Variants in ARHGEF18 observed in about 807,000 individuals in gnomAD.
The protein encoded by ARHGEF18 is rho guanine nucleotide exchange factor 18.
ARHGEF18 carries 93 observed loss-of-function variants against 155.7 expected under a neutral mutation model. That is an observed-to-expected ratio of 0.60 (90% CI 0.50 to 0.71). The LOEUF (loss-of-function observed/expected upper bound fraction) is 0.71, where lower values mean the gene tolerates loss of function less well. Among genes scored for constraint, ARHGEF18 ranks in the 30% least tolerant of loss-of-function variants. The pLI is 0.00. For missense variants in ARHGEF18, 1,593 were observed against 1,816.1 expected, an observed-to-expected ratio of 0.88 and a Z score of 2.23; for synonymous variants, 742 against 753.1, an observed-to-expected ratio of 0.99 and a Z score of 0.24.
intron 10 of ARHGEF18, among the ~76,000 whole-genome samples, chr19:7,408,174 G>C (rs372422623): frequency 9.9e-5 from 15 of 151,898 alleles, no homozygotes; most frequent in African/African-American, 3.1e-4. Flanking sequence ...AGCTACTTGG[G>C]GGGTGAGACA....
intron 10 of ARHGEF18, among the ~76,000 whole-genome samples, chr19:7,419,367 A>C: frequency 7.6e-6 from 1 of 131,358 alleles, no homozygotes; most frequent in South Asian, 2.7e-4. Flanking sequence ...ATGCGCCCAC[A>C]CTTGCCCCCT....
intron 7 of ARHGEF18, 85 bp downstream of exon 7, chr19:7,379,251 G>A (rs1489458253): frequency 1.7e-6 from 2 of 1,162,816 alleles, no homozygotes; most frequent in Non-Finnish European, 2.2e-6. Context: ...AGGTGTAGGA[G>A]ACAGGGGTAG....
rs904259829 is a variant in ARHGEF18, at chr19:7,388,097, C to CA, written c.967+4901dup. Among the ~76,000 whole-genome samples, 9 of 152,048 alleles carry CA rather than the reference C, an allele frequency of 5.9e-5. No individual in the cohort carries two copies. The South Asian group carries it at 1.0e-3, about 18-fold the overall frequency. On this transcript the variant is annotated intron_variant, in intron 10 of 28. Transcript: ENST00000668164. Reference sequence around the variant, plus strand: ...GTCCTGCAAATCAATAAACCCCTTACAAAAAAATGACCTTGAGCAATGAGA... The same window carrying CA: ...GTCCTGCAAATCAATAAACCCCTTACAAAAAAAATGACCTTGAGCAATGAGA...
intron 10 of ARHGEF18, among the ~76,000 whole-genome samples, chr19:7,408,975 G>T (rs112769926): frequency 6.6e-6 from 1 of 151,806 alleles, no homozygotes; most frequent in Non-Finnish European, 1.5e-5. Context: ...CAGGAAGATC[G>T]CTTGAGTCCA....
intron 10 of ARHGEF18, among the ~76,000 whole-genome samples, chr19:7,387,169 T>G (rs1289747390): frequency 6.6e-6 from 1 of 152,092 alleles, no homozygotes; most frequent in Non-Finnish European, 1.5e-5. Flanking sequence ...TTTGTTTGTT[T>G]TGAGATGGAG....
chr19:7,434,927 C>T (rs1223252041), intron 10 of ARHGEF18, among the ~76,000 whole-genome samples: 5 of 152,314 alleles, frequency 3.3e-5, no homozygotes, highest in South Asian at 2.1e-4. Context: ...ATAGGCCAGG[C>T]GCAGTGGCTC....
rs146065096 is a variant in ARHGEF18, at chr19:7,463,923, C to T, written c.2741C>T (p.Ala914Val). Residue 914 changes from alanine to valine, a missense_variant, in exon 22 of 29, where the codon GCG (alanine) becomes GTG (valine). Coordinates refer to ENST00000668164, the MANE Select transcript of ARHGEF18 (RefSeq NM_001367823.1). The surrounding 1 kb of genome is among the most constrained non-coding windows in gnomAD (Gnocchi z 5.2). ...TGPPRRAETFAGYDCTNSPTK... is the reference protein window; with the variant it reads ...TGPPRRAETFVGYDCTNSPTK... The stretch of plus-strand genomic sequence containing the variant: ...CCGCCCAGGAGGGCTGAGACCTTCG[C>T]GGGCTACGACTGCACAAACAGCCCC... 2.2e-5 allele frequency: 35 copies of T among 1,594,626 alleles called. No homozygotes were observed. Among genetic ancestry groups the T allele is most frequent in the Admixed American group, 1.4e-4 (8 of 57,418 alleles).
chr19:7,449,163 G>C (rs1285419501), intron 15 of ARHGEF18, among the ~76,000 whole-genome samples: 1 of 152,098 alleles, frequency 6.6e-6, no homozygotes, highest in Non-Finnish European at 1.5e-5. Flanking sequence ...CTCTGCAAGT[G>C]CTGGCATCCC....
rs921418933 is a variant in ARHGEF18 at position 7,395,492 on chromosome 19, G to A, written c.967+12289G>A. On this transcript the variant is annotated intron_variant, in intron 10 of 28. Transcript: ENST00000668164. This position sits in a 1 kb window ranked among gnomAD's most constrained non-coding sequence, Gnocchi z 5.0. The stretch of plus-strand genomic sequence containing the variant: ...GACGATGCCCGCCCGCTCCGTCCGA[G>A]CCCCAGCCAGTCCTGGGGTGCTACG... Among the ~76,000 whole-genome samples, 4 of 152,086 alleles carry A rather than the reference G, an allele frequency of 2.6e-5. No individual in the cohort carries two copies. Among genetic ancestry groups the A allele is most frequent in the Admixed American group, 2.6e-4 (4 of 15,276 alleles).
At chr19:7,461,744 G>A (rs1976277501) in intron 20 of ARHGEF18, among the ~76,000 whole-genome samples, 1 of 152,124 alleles carries the variant, frequency 6.6e-6, no homozygotes, top group Non-Finnish European at 1.5e-5. Context: ...TGCAGTCATA[G>A]CTCACTGCAG....
At chr19:7,433,873 G>A (rs1445537301) in intron 10 of ARHGEF18, among the ~76,000 whole-genome samples, 2 of 151,720 alleles carry the variant, frequency 1.3e-5, no homozygotes, top group African/African-American at 4.8e-5. Context: ...TACAAAAATA[G>A]CCAGGCATGG....
intron 10 of ARHGEF18, among the ~76,000 whole-genome samples, chr19:7,437,639 C>CTTTTTTTTTCT (rs76601982): frequency 1.9e-4 from 13 of 68,740 alleles, no homozygotes; most frequent in African/African-American, 2.4e-4. Context: ...GATCAGATTT[C>CTTTTTTTTTCT]TTTTTTTTTT....
chr19:7,378,424 A>T lies in ARHGEF18; in HGVS notation c.572A>T (p.Glu191Val). 1 of 1,234,230 alleles carries T rather than the reference A, an allele frequency of 8.1e-7. No homozygotes were observed. Among genetic ancestry groups the T allele is most frequent in the Non-Finnish European group, 1.0e-6 (1 of 988,166 alleles). The allele number at this position is 1,234,230 out of a possible 1,614,324, so 76.5% of individuals were successfully genotyped here. A position where few individuals can be genotyped will look rare whatever the true frequency, so the allele number is the denominator to read the frequency against. Residue 191 changes from glutamate to valine, a missense_variant, in exon 6 of 29, where the codon GAA becomes GTA. Physicochemically the swap from Glu to Val is moderately radical, Grantham distance 121. Coordinates refer to ENST00000668164, the MANE Select transcript of ARHGEF18 (RefSeq NM_001367823.1). ...GLEPPVLECMEKDHVEPDHVL... is the reference protein window; with the variant it reads ...GLEPPVLECMVKDHVEPDHVL... ...GAACCTCCAGTGCTGGAGTGCATGG[A>T]AAAAGACCATGTGGAACCAGATCAC...
At chr19:7,474,172 C>G (rs1430462081), downstream of ARHGEF18, among the ~76,000 whole-genome samples, 1 of 151,880 alleles carries the variant, frequency 6.6e-6, no homozygotes, top group Non-Finnish European at 1.5e-5. Flanking sequence ...AACCCCATCT[C>G]TACTAAAAAC....
At position 7,470,364 on chromosome 19, in the gene ARHGEF18, C is replaced by A; in HGVS notation, c.*66C>A. On this transcript the variant is annotated 3_prime_UTR_variant, in exon 29 of 29. Coordinates refer to ENST00000668164, the MANE Select transcript of ARHGEF18 (RefSeq NM_001367823.1). This position sits in a 1 kb window ranked among gnomAD's most constrained non-coding sequence, Gnocchi z 5.9. ...CCCACCCTTCCTGCTCTCTGGGGAC[C>A]CCCATGGGGTCACCATGCCCACCCA... 7.5e-7 allele frequency: 1 copy of A among 1,338,032 alleles called. No individual in the cohort carries two copies. Among genetic ancestry groups the A allele is most frequent in the Admixed American group, 3.3e-5 (1 of 30,108 alleles). 82.9% of individuals were successfully genotyped at this position (1,338,032 alleles called of 1,614,324 possible).
intron 10 of ARHGEF18, chr19:7,392,481 C>T (rs1349081680): frequency 6.6e-6 from 1 of 151,276 alleles, no homozygotes; most frequent in East Asian, 1.9e-4. Flanking sequence ...GGGAGGATCA[C>T]TTGAGGTCAG....
At chr19:7,459,661 C>T (rs543101161) in intron 19 of ARHGEF18, among the ~76,000 whole-genome samples, 1 of 152,270 alleles carries the variant, frequency 6.6e-6, no homozygotes, top group Admixed American at 6.5e-5. Flanking sequence ...GTCCCCTGGA[C>T]TCCTCCTCTA....
At chr19:7,408,762 G>A (rs914645625) in intron 10 of ARHGEF18, among the ~76,000 whole-genome samples, 1 of 152,234 alleles carries the variant, frequency 6.6e-6, no homozygotes, top group Non-Finnish European at 1.5e-5. Flanking sequence ...AACAAGACCG[G>A]CTGAGTGCAG....
At chr19:7,376,180 T>C (rs576935298) in intron 4 of ARHGEF18, among the ~76,000 whole-genome samples, 3 of 152,076 alleles carry the variant, frequency 2.0e-5, no homozygotes, top group African/African-American at 4.8e-5. Flanking sequence ...GCTTGGAGGA[T>C]CTTTGCCTGG....
Sources: allele counts gnomAD v4.1 joint callset (sites outside exome capture counted in the v4.1 genomes callset), GRCh38; gene constraint gnomAD v4.1.1; non-coding constraint Gnocchi (gnomAD v3.1); transcripts MANE v1.5; gene names NCBI Gene and HGNC (gene_info 2026-07-23, HGNC 2026-07-21).